Variants in REV1 observed in about 807,000 individuals in gnomAD.
The protein encoded by REV1 is translesion synthesis protein REV1.
In REV1, 42 loss-of-function variants were observed where a neutral mutation model predicts 137.4. The ratio of observed to expected loss-of-function variants is 0.31; its 90% CI spans 0.24 to 0.40. REV1 has a LOEUF of 0.40. Ranked by LOEUF, REV1 falls within the 10% of genes least tolerant of loss-of-function variation. REV1 has a pLI of 1.00. For missense variants in REV1, 1,282 were observed against 1,490.1 expected (o/e 0.86, Z 2.30); for synonymous variants, 524 against 519.2 (o/e 1.01, Z -0.12).
intron 1 of REV1, among the ~76,000 whole-genome samples, chr2:99,466,176 C>T (rs1239142260): frequency 6.6e-6 from 1 of 152,190 alleles, no homozygotes; most frequent in Non-Finnish European, 1.5e-5. Context: ...TGGTCTCCAT[C>T]TCCTGACCTC....
In REV1 at chr2:99,454,564, A is replaced by C. The variant is rs972485279; in HGVS notation, c.182-5060T>G. On this transcript the variant is annotated intron_variant, in intron 3 of 22. Transcript: ENST00000258428. ...AAACTCCAGCTCAAAAAAAAAAAAAAAAAAAAAAAAAAAAAAAAAAAAAAA... is the reference window on the plus strand; with the variant it reads ...AAACTCCAGCTCAAAAAAAAAAAAACAAAAAAAAAAAAAAAAAAAAAAAAA... 5.8e-5 allele frequency among the ~76,000 whole-genome samples: 8 copies of C among 137,108 alleles called. 1 individual carries two copies. The highest frequency in any genetic ancestry group is 1.3e-4 in the African/African-American group (5 of 37,452). The allele number at this position is 137,108 out of a possible 152,430, so 89.9% of individuals were successfully genotyped here.
intron 2 of REV1, among the ~76,000 whole-genome samples, chr2:99,464,053 T>C (rs1684539410): frequency 6.6e-6 from 1 of 152,220 alleles, no homozygotes; most frequent in Non-Finnish European, 1.5e-5. Context: ...AAGAATACAA[T>C]GAATGCTCCA....
rs1172140749 is a variant in REV1, at chr2:99,439,254, T to C, written c.560A>G (p.Asn187Ser). The C allele has an allele frequency of 1.2e-6, 2 of 1,614,218 alleles. No homozygotes were observed. Among genetic ancestry groups the C allele is most frequent in the South Asian group, 1.1e-5 (1 of 91,086 alleles). ...TENEVKVNGM[N>S]SWNEEDENND... ...ATTTTCATCTTCTTCATTCCAACTG[T>C]TCATGCCATTGACTTTGACTTCATT... The change falls in exon 6 of 23, where the codon AAC becomes AGC. Residue 187 changes from asparagine (N) to serine (S), a missense_variant. This residue lies in a region of REV1 where 432 missense variants were observed against 438.0 expected (regional missense o/e 0.99). Transcript: ENST00000258428.
chr2:99,453,884 C>T (rs1298851756), intron 3 of REV1, among the ~76,000 whole-genome samples: 4 of 113,686 alleles, frequency 3.5e-5, no homozygotes, highest in Non-Finnish European at 6.8e-5. Flanking sequence ...CAGAGTAAGG[C>T]TCTGTCTCAA....
intron 10 of REV1, 140 bp downstream of exon 10, chr2:99,424,011 TG>T: frequency 1.2e-6 from 1 of 855,758 alleles, no homozygotes; most frequent in Non-Finnish European, 1.7e-6. Context: ...GGTCTCAAAC[TG>T]GGATGCTGAG....
rs376940286 is a variant in REV1 at position 99,460,756 on chromosome 2, T to G, written c.181+1740A>C. On this transcript the variant is annotated intron_variant, in intron 3 of 22. Coordinates refer to ENST00000258428, the MANE Select transcript of REV1 (RefSeq NM_016316.4). ...TATTTGTACAGTTATAATGAAATCT[T>G]AATAACAAGAGCAAAAATATTATCA... 4.6e-4 allele frequency among the ~76,000 whole-genome samples: 70 copies of G among 152,206 alleles called. 1 individual carries two copies. In the East Asian group the frequency reaches 8.3e-3, roughly 18 times the overall value.
intron 8 of REV1, among the ~76,000 whole-genome samples, chr2:99,431,385 T>C (rs553884495): frequency 6.6e-6 from 1 of 152,280 alleles, no homozygotes; most frequent in East Asian, 1.9e-4. Flanking sequence ...TGGAGGGTTT[T>C]AAAAGGGTAA....
At chr2:99,438,579 G>C in intron 6 of REV1, 22 bp downstream of exon 6, 1 of 1,556,408 alleles carries the variant, frequency 6.4e-7, no homozygotes, top group Non-Finnish European at 8.8e-7. Flanking sequence ...TTCTTAAGAA[G>C]ACAATTTTAA....
intron 9 of REV1, among the ~76,000 whole-genome samples, chr2:99,426,239 C>T (rs1020622979): frequency 4.5e-4 from 60 of 134,094 alleles, no homozygotes; most frequent in Non-Finnish European, 8.0e-4. Flanking sequence ...CCCAGCTACT[C>T]GGGAGGCTGA....
intron 12 of REV1, among the ~76,000 whole-genome samples, chr2:99,413,311 TAGTGTGACTTACAGA>T (rs1677441590): frequency 6.6e-6 from 1 of 152,220 alleles, no homozygotes; most frequent in Non-Finnish European, 1.5e-5. Flanking sequence ...AACAAGTCTA[TAGTGTGACTTACAGA>T]CATACTAACC....
At chr2:99,480,263 T>C (rs1271261636) in intron 1 of REV1, among the ~76,000 whole-genome samples, 1 of 152,112 alleles carries the variant, frequency 6.6e-6, no homozygotes, top group Non-Finnish European at 1.5e-5. Flanking sequence ...GTTAAGACTG[T>C]AGTGAGCCAT....
At chr2:99,403,956 G>T in intron 18 of REV1, 141 bp from the exon 19 acceptor site, 1 of 1,012,352 alleles carries the variant, frequency 9.9e-7, no homozygotes, top group Non-Finnish European at 1.4e-6. Context: ...CAATATCAAA[G>T]CTGATTAAAT....
intron 1 of REV1, among the ~76,000 whole-genome samples, chr2:99,467,275 A>G (rs1474275309): frequency 6.6e-6 from 1 of 152,060 alleles, no homozygotes; most frequent in Non-Finnish European, 1.5e-5. Flanking sequence ...AAAAAAAAAC[A>G]GCTATTAAGG....
intron 10 of REV1, among the ~76,000 whole-genome samples, chr2:99,422,201 A>G (rs1298064370): frequency 1.3e-5 from 2 of 152,226 alleles, no homozygotes; most frequent in Non-Finnish European, 2.9e-5. Flanking sequence ...TTGTCTGAGA[A>G]TAGTTATCTA....
At chr2:99,432,288 A>C (rs568064539) in intron 8 of REV1, among the ~76,000 whole-genome samples, 1 of 152,358 alleles carries the variant, frequency 6.6e-6, no homozygotes, top group Non-Finnish European at 1.5e-5. Flanking sequence ...ATTTGTCCTA[A>C]TACTTTGTCT....
chr2:99,420,532 G>A (rs532609102), intron 11 of REV1, among the ~76,000 whole-genome samples: 5 of 152,180 alleles, frequency 3.3e-5, no homozygotes, highest in African/African-American at 4.8e-5. Flanking sequence ...TAGGCGCTCC[G>A]TCTGCCACTC....
At chr2:99,408,328 GAA>G in intron 14 of REV1, 197 bp from the exon 15 acceptor site, 2 of 371,578 alleles carry the variant, frequency 5.4e-6, no homozygotes, top group Non-Finnish European at 9.5e-6. Context: ...AAGGGGGAAA[GAA>G]AAATTATGGA....
intron 3 of REV1, among the ~76,000 whole-genome samples, chr2:99,458,015 T>C (rs1446260964): frequency 6.6e-6 from 1 of 151,830 alleles, no homozygotes; most frequent in Non-Finnish European, 1.5e-5. Context: ...TCTAAAAATA[T>C]AGAAGAAAAC....
chr2:99,453,719 C>T (rs916848412), intron 3 of REV1, among the ~76,000 whole-genome samples: 1 of 151,648 alleles, frequency 6.6e-6, no homozygotes, highest in African/African-American at 2.4e-5. Flanking sequence ...ATGATGAAAC[C>T]CCGTCCCTAC....
Sources: gnomAD v4.1 joint callset for allele counts (sites outside exome capture counted in the v4.1 genomes callset) on GRCh38, gnomAD v4.1.1 for gene constraint, gnomAD v4.1.1 regional missense constraint, MANE v1.5 for transcripts, NCBI Gene and HGNC (gene_info 2026-07-23, HGNC 2026-07-21) for gene names.